LSP1: variants seen among roughly 807,000 people sequenced by gnomAD.
The protein encoded by LSP1 is lymphocyte-specific protein 1.
LSP1 carries 32 observed loss-of-function variants against 49.3 expected under a neutral mutation model. That is an observed-to-expected ratio of 0.65 (90% CI 0.49 to 0.87). The LOEUF is 0.87. Among genes scored for constraint, LSP1 ranks in the 40% least tolerant of loss-of-function variants. The pLI is 0.00. For missense variants in LSP1, 428 were observed against 442.6 expected, an observed-to-expected ratio of 0.97 and a Z score of 0.30; for synonymous variants, 179 against 178.8, an observed-to-expected ratio of 1.00 and a Z score of -0.01.
intron 1 of LSP1, among the ~76,000 whole-genome samples, chr11:1,861,999 GTGGATGGATGGATGAGTGGA>G (rs1328963141): frequency 2.1e-5 from 3 of 144,954 alleles, no homozygotes; most frequent in African/African-American, 7.7e-5. Context: ...GAATGGATGG[GTGGATGGATGGATGAGTGGA>G]TGGATGGATG....
chr11:1,855,965 C>G (rs1306978180), intron 1 of LSP1, among the ~76,000 whole-genome samples: 4 of 152,158 alleles, frequency 2.6e-5, no homozygotes, highest in Admixed American at 2.6e-4. Flanking sequence ...ACCTTGGGTT[C>G]GACATATCCA....
chr11:1,860,821 A>C lies in LSP1; in HGVS notation c.53+7624A>C, dbSNP rs140702694. On this transcript the variant is annotated intron_variant, in intron 1 of 10. Coordinates refer to ENST00000311604, the MANE Select transcript of LSP1 (RefSeq NM_002339.3). The stretch of plus-strand genomic sequence containing the variant: ...TATAAATGGGTAAATGAATGTATTG[A>C]TGGAAGGACACATGAGATGGAATTA... Among the ~76,000 whole-genome samples, 8 of 139,286 alleles carry C rather than the reference A, an allele frequency of 5.7e-5. No individual in the cohort carries two copies. The East Asian group carries it at 1.8e-3, about 31-fold the overall frequency. 91.4% of individuals were successfully genotyped at this position (139,286 alleles called of 152,430 possible). A position where few individuals can be genotyped will look rare whatever the true frequency, so the allele number is the denominator to read the frequency against.
Position 1,880,164 on chromosome 11 carries a change from T to A in LSP1, c.131T>A (p.Leu44His). The A allele has an allele frequency of 6.2e-7, 1 of 1,606,102 alleles. No homozygotes were observed. The highest frequency in any genetic ancestry group is 2.3e-5 in the East Asian group (1 of 44,216). Residue 44 changes from leucine (L) to histidine (H), a missense_variant, in exon 2 of 11, where the codon CTT becomes CAT. By Grantham distance (99) the Leu-to-His change is moderately conservative. Transcript: ENST00000311604. ...EQCQHERDRQ[L>H]QAQDEEGGGH... is the part of the protein sequence containing the mutation. Reference sequence around the variant, plus strand: ...TGCCAGCATGAGAGAGACAGGCAGCTTCAGGCCCAGGACGAGGAGGGAGGC... The same window carrying A: ...TGCCAGCATGAGAGAGACAGGCAGCATCAGGCCCAGGACGAGGAGGGAGGC...
chr11:1,875,090 G>A lies in LSP1; in HGVS notation c.54-4997G>A, dbSNP rs1473891324. Among the ~76,000 whole-genome samples, 3 of 148,962 alleles carry A rather than the reference G, an allele frequency of 2.0e-5. No individual in the cohort carries two copies. The East Asian group carries it at 5.8e-4, about 29-fold the overall frequency. ...GTCCCAGCTCGGCCATGGGGGCTTC[G>A]GCATGTAAAGCCCATGGGGGGCAGA... is the stretch of plus-strand genomic sequence containing the variant. On this transcript the variant is annotated intron_variant, in intron 1 of 10. Transcript: ENST00000311604.
Position 1,853,090 on chromosome 11 carries a change from C to T in LSP1, c.-55C>T, listed in dbSNP as rs549036107. The T allele has an allele frequency of 1.1e-5, 17 of 1,569,384 alleles. No homozygotes were observed. The highest frequency in any genetic ancestry group is 8.1e-5 in the South Asian group (7 of 86,702). ...CCAGAAAGCACTGAAAGCCACAGCA[C>T]GTACACCCACTCCAGGGATCTGCCA... On this transcript the variant is annotated 5_prime_UTR_variant, in exon 1 of 11. In the 5' UTR this introduces an upstream ATG that the reference lacks. Transcript: ENST00000311604.
intron 10 of LSP1, among the ~76,000 whole-genome samples, chr11:1,888,261 C>T (rs1454784303): frequency 6.6e-6 from 1 of 152,196 alleles, no homozygotes; most frequent in East Asian, 1.9e-4. Context: ...GTTGGCCACC[C>T]CCACCAGAGC....
intron 10 of LSP1, chr11:1,889,039 G>T: frequency 1.7e-6 from 1 of 575,720 alleles, no homozygotes; most frequent in Non-Finnish European, 3.1e-6. Flanking sequence ...ATGCCCCTTG[G>T]GCCCTGGTGC....
At chr11:1,870,204 G>A (rs776180490) in intron 1 of LSP1, 536 of 1,146,638 alleles carry the variant, frequency 4.7e-4, no homozygotes, top group Non-Finnish European at 6.1e-4. Context: ...ACATCCCAAG[G>A]CCATGTGAGT....
chr11:1,890,825 C>A (rs1848969091), intron 10 of LSP1: 1 of 569,024 alleles, frequency 1.8e-6, no homozygotes, highest in Non-Finnish European at 3.1e-6. Flanking sequence ...AGGCCGAGTC[C>A]CTCCAGGGAT....
At chr11:1,853,266 G>T in intron 1 of LSP1, 69 bp downstream of exon 1, 2 of 1,520,208 alleles carry the variant, frequency 1.3e-6, no homozygotes, top group Non-Finnish European at 1.8e-6. Context: ...GAGCTGCATG[G>T]AGGGTGGAGA....
At chr11:1,889,406 G>T (rs774817716) in intron 10 of LSP1, 1 of 684,080 alleles carries the variant, frequency 1.5e-6, no homozygotes, top group African/African-American at 1.8e-5. Context: ...TCCGGGAGGC[G>T]GGGGCCCGGG....
At chr11:1,861,758 AGTGGATGG>A (rs1847640066) in intron 1 of LSP1, among the ~76,000 whole-genome samples, 1 of 75,974 alleles carries the variant, frequency 1.3e-5, no homozygotes, top group Non-Finnish European at 2.7e-5. Context: ...TGAGTGGATG[AGTGGATGG>A]GTGGATGGAT....
rs758139054 is a variant in LSP1 at position 1,884,373 on chromosome 11, C to T, written c.635+50C>T. On this transcript the variant is annotated intron_variant, in intron 6 of 10. Coordinates refer to ENST00000311604, the MANE Select transcript of LSP1 (RefSeq NM_002339.3). The surrounding 1 kb of genome is among the most constrained non-coding windows in gnomAD (Gnocchi z 4.1). Reference sequence around the variant, plus strand: ...TCTGGGCTCAGATCTTAGGTTTAACCAAGTGGGGGTTGAAGGGAGTCACAA... The same window carrying T: ...TCTGGGCTCAGATCTTAGGTTTAACTAAGTGGGGGTTGAAGGGAGTCACAA... The T allele has an allele frequency of 1.9e-6, 3 of 1,612,620 alleles. No individual in the cohort carries two copies. The highest frequency in any genetic ancestry group is 4.5e-5 in the East Asian group (2 of 44,872).
intron 10 of LSP1, chr11:1,891,003 A>G: frequency 5.9e-6 from 1 of 168,550 alleles, no homozygotes; most frequent in East Asian, 1.6e-4. Flanking sequence ...CTGCTGGCCA[A>G]GCCCAGGGCT....
At chr11:1,854,470 C>T (rs1375753221) in intron 1 of LSP1, among the ~76,000 whole-genome samples, 1 of 152,196 alleles carries the variant, frequency 6.6e-6, no homozygotes, top group Non-Finnish European at 1.5e-5. Flanking sequence ...TGTCCTGTGT[C>T]TGTGTCCTTG....
At chr11:1,875,175 G>A (rs775089792) in intron 1 of LSP1, among the ~76,000 whole-genome samples, 1 of 148,994 alleles carries the variant, frequency 6.7e-6, no homozygotes, top group African/African-American at 2.6e-5. Flanking sequence ...GGCTGGTGCC[G>A]TGGAGGGAGG....
intron 1 of LSP1, chr11:1,870,761 T>C: frequency 4.0e-6 from 4 of 992,134 alleles, no homozygotes; most frequent in Non-Finnish European, 4.8e-6. Context: ...GGATGTGAGG[T>C]ACATCTGGGC....
rs750598142 is a variant in LSP1 at position 1,884,330 on chromosome 11, C to T, written c.635+7C>T. The T allele has an allele frequency of 6.2e-7, 1 of 1,614,056 alleles. No homozygotes were observed. The highest frequency in any genetic ancestry group is 8.5e-7 in the Non-Finnish European group (1 of 1,179,984). On this transcript the variant is annotated splice_region_variant and intron_variant, in intron 6 of 10. Coordinates refer to ENST00000311604, the MANE Select transcript of LSP1 (RefSeq NM_002339.3). The surrounding 1 kb of genome is among the most constrained non-coding windows in gnomAD (Gnocchi z 4.1). ...ACCGCTCCATAGAGAAGAGGTCTGT[C>T]TGTCTGTCTGTCTGCTTTCTGGGCT...
At chr11:1,889,695 G>A in intron 10 of LSP1, 1 of 640,198 alleles carries the variant, frequency 1.6e-6, no homozygotes, top group Non-Finnish European at 2.9e-6. Flanking sequence ...AGCCATCGGG[G>A]GCTCCTCCAG....
Sources: gnomAD v4.1 joint callset for allele counts (sites outside exome capture counted in the v4.1 genomes callset) on GRCh38, gnomAD v4.1.1 for gene constraint, Gnocchi (gnomAD v3.1) non-coding constraint, MANE v1.5 for transcripts, NCBI Gene and HGNC (gene_info 2026-07-23, HGNC 2026-07-21) for gene names.